The following WDR6 variants were observed in gnomAD, a reference collection of about 807,000 sequenced individuals.
The protein encoded by WDR6 is tRNA (34-2'-O)-methyltransferase regulator WDR6.
A neutral mutation model predicts 85.6 loss-of-function variants in WDR6; 58 were observed. The observed-to-expected ratio is 0.68, with a 90% CI of 0.55 to 0.84. WDR6 has a LOEUF of 0.84. Among genes scored for constraint, WDR6 ranks in the 40% least tolerant of loss-of-function variants. WDR6 has a pLI of 0.00. For synonymous variants in WDR6, 569 were observed against 582.2 expected (o/e 0.98, Z 0.33); for missense variants, 1,310 against 1,476.4 (o/e 0.89, Z 1.85).
rs2093031759 is a variant in WDR6 at position 49,013,783 on chromosome 3, C to T, written c.2249C>T (p.Thr750Ile). Reference protein sequence around the residue: ...TDIVITCSEDTTVCVLALPTT... With the variant: ...TDIVITCSEDITVCVLALPTT... ...ATTGTGATCACATGTAGTGAGGACACTACTGTCTGTGTCCTAGCACTCCCT... is the reference window on the plus strand; with the variant it reads ...ATTGTGATCACATGTAGTGAGGACATTACTGTCTGTGTCCTAGCACTCCCT... Residue 750 changes from threonine (T) to isoleucine (I), a missense_variant, in exon 2 of 6, where the codon ACT becomes ATT. Coordinates refer to ENST00000608424, the MANE Select transcript of WDR6 (RefSeq NM_018031.6). The surrounding 1 kb of genome is among the most constrained non-coding windows in gnomAD (Gnocchi z 4.6). 6.2e-7 allele frequency: 1 copy of T among 1,614,122 alleles called. No homozygotes were observed. Among genetic ancestry groups the T allele is most frequent in the African/African-American group, 1.3e-5 (1 of 75,018 alleles).
In WDR6 at chr3:49,015,117, T is replaced by C; in HGVS notation, c.3195T>C (p.Asp1065=). Residue 1065 remains aspartate, a synonymous_variant, in exon 6 of 6, where the codon GAT becomes GAC. Coordinates refer to ENST00000608424, the MANE Select transcript of WDR6 (RefSeq NM_018031.6). ...GCATCATGGTCTCAGCCTCCATTGA[T>C]CAACGGCTGACCTTCTGGCGTCTGG... ...SPSIMVSASI[D]QRLTFWRLGH... 2 of 1,614,066 alleles carry C rather than the reference T, an allele frequency of 1.2e-6. No homozygotes were observed.
At chr3:49,010,584 C>T (rs2093009002) in intron 1 of WDR6, among the ~76,000 whole-genome samples, 2 of 152,094 alleles carry the variant, frequency 1.3e-5, no homozygotes, top group Admixed American at 6.5e-5. Flanking sequence ...GGCTTGGTGG[C>T]TCACGCCTAT....
intron 1 of WDR6, chr3:49,011,102 T>A (rs778610874): frequency 5.6e-5 from 11 of 198,108 alleles, no homozygotes; most frequent in Admixed American, 3.3e-4. Context: ...TTCTTTTTTC[T>A]TTTTTTTTTT....
In WDR6 at chr3:49,013,223, G is replaced by T. The variant is rs1027614727; in HGVS notation, c.1689G>T (p.Leu563=). 3.7e-6 allele frequency: 6 copies of T among 1,613,980 alleles called. No homozygotes were observed. In the East Asian group the frequency reaches 1.3e-4, roughly 36 times the overall value. ...AFTGLGPVST[L]PSLHGKQGVT... is the part of the protein sequence containing the mutation. The stretch of plus-strand genomic sequence containing the variant: ...CTGGGTTGGGCCCAGTGTCTACCCT[G>T]CCCTCTCTGCACGGGAAGCAGGGTG... The change falls in exon 2 of 6, where the codon CTG becomes CTT. Residue 563 remains leucine, a synonymous_variant. Coordinates refer to ENST00000608424, the MANE Select transcript of WDR6 (RefSeq NM_018031.6). The surrounding 1 kb of genome is among the most constrained non-coding windows in gnomAD (Gnocchi z 4.6).
chr3:49,013,894 C>T lies in WDR6; in HGVS notation c.2360C>T (p.Thr787Ile). 6.2e-7 allele frequency: 1 copy of T among 1,613,834 alleles called. No individual in the cohort carries two copies. Among genetic ancestry groups the T allele is most frequent in the East Asian group, 2.2e-5 (1 of 44,888 alleles). The stretch of plus-strand genomic sequence containing the variant: ...GCTGTGGCTGTGTGGGGCATTGGCA[C>T]CCCAGGTGGCCCTCAGGATCCTCAG... ...VRAVAVWGIG[T>I]PGGPQDPQPG... Residue 787 changes from threonine (T) to isoleucine (I), a missense_variant, in exon 2 of 6, where the codon ACC becomes ATC. Physicochemically the swap from Thr to Ile is moderately conservative, Grantham distance 89. Transcript: ENST00000608424. This position sits in a 1 kb window ranked among gnomAD's most constrained non-coding sequence, Gnocchi z 4.6.
At position 49,015,387 on chromosome 3, in the gene WDR6, G is replaced by A. The variant is rs2093049076; in HGVS notation, c.*99G>A. The A allele has an allele frequency of 6.8e-7, 1 of 1,476,786 alleles. No individual in the cohort carries two copies. Among genetic ancestry groups the A allele is most frequent in the Non-Finnish European group, 9.2e-7 (1 of 1,089,736 alleles). 91.5% of individuals were successfully genotyped at this position (1,476,786 alleles called of 1,614,324 possible). On this transcript the variant is annotated 3_prime_UTR_variant, in exon 6 of 6. Transcript: ENST00000608424. The stretch of plus-strand genomic sequence containing the variant: ...GTGCCCATGCTCAGCATGCCTTGAG[G>A]GGAGGAGGTGGTGGCCGTGGGTTCC...
chr3:49,012,141 C>T lies in WDR6; in HGVS notation c.607C>T (p.Arg203Ter), dbSNP rs758569308. The change falls in exon 2 of 6, where the codon CGA becomes TGA. Residue 203 changes from arginine to a stop codon, truncating the protein, a stop_gained. Coordinates refer to ENST00000608424, the MANE Select transcript of WDR6 (RefSeq NM_018031.6). LOFTEE classifies it high-confidence loss of function. The surrounding 1 kb of genome is among the most constrained non-coding windows in gnomAD (Gnocchi z 4.4). ...AGACAACAAACCTGTAGCACCTGACCGACGAATCAGTGGGCATGTGGGCAT... is the reference window on the plus strand; with the variant it reads ...AGACAACAAACCTGTAGCACCTGACTGACGAATCAGTGGGCATGTGGGCAT... ...LADNKPVAPD[R>*]RISGHVGIIF... 7 of 1,614,024 alleles carry T rather than the reference C, an allele frequency of 4.3e-6. No individual in the cohort carries two copies. The highest frequency in any genetic ancestry group is 1.1e-5 in the South Asian group (1 of 91,084).
Position 49,012,941 on chromosome 3 carries a change from C to T in WDR6, c.1407C>T (p.Ala469=), listed in dbSNP as rs151099969. Residue 469 remains alanine, a synonymous_variant, in exon 2 of 6, where the codon GCC becomes GCT. Coordinates refer to ENST00000608424, the MANE Select transcript of WDR6 (RefSeq NM_018031.6). The surrounding 1 kb of genome is among the most constrained non-coding windows in gnomAD (Gnocchi z 4.4). ...TAGTAGCTTGCCTAGAGATCTCAGC[C>T]GCACCCTCTGGCAAGGCCATCTTTG... ...GGVVACLEIS[A]APSGKAIFVK... is the part of the protein sequence containing the mutation. 1.4e-5 allele frequency: 23 copies of T among 1,613,894 alleles called. No homozygotes were observed. The highest frequency in any genetic ancestry group is 3.3e-5 in the South Asian group (3 of 91,080).
At chr3:49,008,049 T>C (rs2092994041) in intron 1 of WDR6, 1 of 151,804 alleles carries the variant, frequency 6.6e-6, no homozygotes, top group Non-Finnish European at 1.5e-5. Context: ...GCGGGATGAG[T>C]CTCTTCCCCC....
Position 49,007,646 on chromosome 3 carries a change from G to T in WDR6, c.100+115G>T. Reference sequence around the variant, plus strand: ...TGAGGAGAAGGACGGGCAGCAGGTTGAGGCCGATCGGAGGTGGGAAGGGAG... The same window carrying T: ...TGAGGAGAAGGACGGGCAGCAGGTTTAGGCCGATCGGAGGTGGGAAGGGAG... On this transcript the variant is annotated intron_variant, in intron 1 of 5. Coordinates refer to ENST00000608424, the MANE Select transcript of WDR6 (RefSeq NM_018031.6). The surrounding 1 kb of genome is among the most constrained non-coding windows in gnomAD (Gnocchi z 5.1). 1 of 1,376,066 alleles carries T rather than the reference G, an allele frequency of 7.3e-7. No homozygotes were observed. The highest frequency in any genetic ancestry group is 9.4e-7 in the Non-Finnish European group (1 of 1,058,266). The allele number at this position is 1,376,066 out of a possible 1,614,324, so 85.2% of individuals were successfully genotyped here.
At position 49,007,715 on chromosome 3, in the gene WDR6, G is replaced by T. The variant is rs940445664; in HGVS notation, c.100+184G>T. 7 of 1,302,604 alleles carry T rather than the reference G, an allele frequency of 5.4e-6. No individual in the cohort carries two copies. In the Admixed American group the frequency reaches 2.1e-4, roughly 39 times the overall value. The allele number at this position is 1,302,604 out of a possible 1,614,324, so 80.7% of individuals were successfully genotyped here. On this transcript the variant is annotated intron_variant, in intron 1 of 5. Transcript: ENST00000608424. The surrounding 1 kb of genome is among the most constrained non-coding windows in gnomAD (Gnocchi z 5.1). ...CGAGGGCCAACCTGAAGAGGGCGGGGCCCGAGAGACAAAGCTGATGTGGCC... is the reference window on the plus strand; with the variant it reads ...CGAGGGCCAACCTGAAGAGGGCGGGTCCCGAGAGACAAAGCTGATGTGGCC...
At position 49,012,541 on chromosome 3, in the gene WDR6, G is replaced by GGGTCTC. The variant is rs774683489; in HGVS notation, c.1010_1015dup (p.Val337_Ser338dup). ...GTAGGGCGTGGGTACCGGGGATTGG[G>GGGTCTC]GGTCTCGGCTCTCTGCTTCAAGTCC... is the stretch of plus-strand genomic sequence containing the variant. On this transcript the variant is annotated inframe_insertion, in exon 2 of 6. Coordinates refer to ENST00000608424, the MANE Select transcript of WDR6 (RefSeq NM_018031.6). This position sits in a 1 kb window ranked among gnomAD's most constrained non-coding sequence, Gnocchi z 4.4. 9.3e-6 allele frequency: 15 copies of GGGTCTC among 1,613,930 alleles called. No individual in the cohort carries two copies. The African/African-American group carries it at 1.6e-4, about 17-fold the overall frequency.
In WDR6 at chr3:49,015,208, T is replaced by A; in HGVS notation, c.3286T>A (p.Cys1096Ser). ...FHVPDVADMD[C>S]WPVSPEFGHR... ...TGTGCCTGATGTGGCTGACATGGAC[T>A]GCTGGCCTGTGAGCCCTGAGTTTGG... The change falls in exon 6 of 6, where the codon TGC becomes AGC. Residue 1096 changes from cysteine to serine, a missense_variant. Transcript: ENST00000608424. 6.2e-7 allele frequency: 1 copy of A among 1,613,836 alleles called. No individual in the cohort carries two copies.
rs368528052 is a variant in WDR6, at chr3:49,012,769, A to G, written c.1235A>G (p.Asn412Ser). ...GGCTTCGGATTGTGTGCTATGGCCA[A>G]TGGGGAAGGTCGTGTCAAGGTTGTC... ...PEGFGLCAMANGEGRVKVVPI... is the reference protein window; with the variant it reads ...PEGFGLCAMASGEGRVKVVPI... The change falls in exon 2 of 6, where the codon AAT (asparagine) becomes AGT (serine). Residue 412 changes from asparagine to serine, a missense_variant. Asn to Ser is a conservative substitution (Grantham distance 46, BLOSUM62 1). Coordinates refer to ENST00000608424, the MANE Select transcript of WDR6 (RefSeq NM_018031.6). This position sits in a 1 kb window ranked among gnomAD's most constrained non-coding sequence, Gnocchi z 4.4. 6.4e-5 allele frequency: 104 copies of G among 1,613,902 alleles called. No individual in the cohort carries two copies. The highest frequency in any genetic ancestry group is 5.1e-4 in the South Asian group (46 of 91,070).
chr3:49,011,400 T>TTTTTTTTTTTTTTTTTTTTG (rs1306690257), intron 1 of WDR6: 1 of 1,437,374 alleles, frequency 7.0e-7, no homozygotes, highest in Non-Finnish European at 9.2e-7. Flanking sequence ...TTTTCTTTTT[T>TTTTTTTTTTTTTTTTTTTTG]TTTTTTTTCT....
rs768579641 is a variant in WDR6 at position 49,014,249 on chromosome 3, C to G, written c.2622C>G (p.Gly874=). 2 of 1,614,146 alleles carry G rather than the reference C, an allele frequency of 1.2e-6. No individual in the cohort carries two copies. The highest frequency in any genetic ancestry group is 4.5e-5 in the East Asian group (2 of 44,878). The change falls in exon 3 of 6, where the codon GGC becomes GGG. Residue 874 remains glycine, a synonymous_variant. Coordinates refer to ENST00000608424, the MANE Select transcript of WDR6 (RefSeq NM_018031.6). This position sits in a 1 kb window ranked among gnomAD's most constrained non-coding sequence, Gnocchi z 4.9. Reference sequence around the variant, plus strand: ...CTGTGTGTGAACTTGACCAGCCCGGCCTTGGCCCCCTTGTGGCTGCAGCCT... The same window carrying G: ...CTGTGTGTGAACTTGACCAGCCCGGGCTTGGCCCCCTTGTGGCTGCAGCCT... ...SLAVCELDQP[G]LGPLVAAACS...
chr3:49,010,572 C>T (rs1346841177), intron 1 of WDR6, among the ~76,000 whole-genome samples: 5 of 151,612 alleles, frequency 3.3e-5, no homozygotes, highest in Non-Finnish European at 7.4e-5. Flanking sequence ...AAAAACTGGT[C>T]GGGCTTGGTG....
At position 49,013,450 on chromosome 3, in the gene WDR6, T is replaced by C. The variant is rs2093029319; in HGVS notation, c.1916T>C (p.Val639Ala). 1 of 1,613,988 alleles carries C rather than the reference T, an allele frequency of 6.2e-7. No homozygotes were observed. Among genetic ancestry groups the C allele is most frequent in the Non-Finnish European group, 8.5e-7 (1 of 1,180,004 alleles). The change falls in exon 2 of 6, where the codon GTG becomes GCG. Residue 639 changes from valine to alanine, a missense_variant. Coordinates refer to ENST00000608424, the MANE Select transcript of WDR6 (RefSeq NM_018031.6). The surrounding 1 kb of genome is among the most constrained non-coding windows in gnomAD (Gnocchi z 4.6). ...GGTTTCCATGCCAATGAGTTTGTGG[T>C]GTGGAACCCTCGGTCACACGAGAAG... ...ILGFHANEFV[V>A]WNPRSHEKLH...
chr3:49,014,057 T>G lies in WDR6; in HGVS notation c.2523T>G (p.Asp841Glu). 6.2e-7 allele frequency: 1 copy of G among 1,613,002 alleles called. No individual in the cohort carries two copies. The highest frequency in any genetic ancestry group is 8.5e-7 in the Non-Finnish European group (1 of 1,180,000). ...TGCACCTTTCGTCCCACCGGCTAGA[T>G]GAGTATTGGGACCGGCAACGCAATC... is the stretch of plus-strand genomic sequence containing the variant. ...HVMHLSSHRL[D>E]EYWDRQRNRH... The change falls in exon 2 of 6, where the codon GAT becomes GAG. Residue 841 changes from aspartate (D) to glutamate (E), a missense_variant. Physicochemically the swap from Asp to Glu is conservative, Grantham distance 45. Transcript: ENST00000608424. The surrounding 1 kb of genome is among the most constrained non-coding windows in gnomAD (Gnocchi z 4.9).
Sources: allele counts gnomAD v4.1 joint callset (sites outside exome capture counted in the v4.1 genomes callset), GRCh38; gene constraint gnomAD v4.1.1; non-coding constraint Gnocchi (gnomAD v3.1); transcripts MANE v1.5; gene names NCBI Gene and HGNC (gene_info 2026-07-23, HGNC 2026-07-21).